Variants in LRP1B observed in about 807,000 individuals in gnomAD.
LRP1B encodes low-density lipoprotein receptor-related protein 1B.
A neutral mutation model predicts 556.6 loss-of-function variants in LRP1B; 217 were observed. The observed-to-expected ratio is 0.39, with a 90% CI of 0.35 to 0.44. The LOEUF is 0.44. Ranked by LOEUF, LRP1B falls within the 20% of genes least tolerant of loss-of-function variation. The probability of loss-of-function intolerance (pLI) is 1.00; values close to 1 mark genes in which losing one functional copy is unlikely to be tolerated. For synonymous variants in LRP1B, 2,047 were observed against 1,865.8 expected (o/e 1.10, Z -2.50); for missense variants, 5,053 against 5,620.8 (o/e 0.90, Z 3.23).
chr2:141,130,439 A>G (rs1053652756), intron 7 of LRP1B, among the ~76,000 whole-genome samples: 1 of 152,078 alleles, frequency 6.6e-6, no homozygotes, highest in South Asian at 2.1e-4. Context: ...TGACATGAGT[A>G]TAGATAATGT....
chr2:141,544,062 G>A (rs1237877211), intron 2 of LRP1B, among the ~76,000 whole-genome samples: 1 of 152,082 alleles, frequency 6.6e-6, no homozygotes, highest in Non-Finnish European at 1.5e-5. Context: ...TTGAACCAGA[G>A]CATTGTTAAT....
chr2:140,371,125 T>A, intron 70 of LRP1B, 54 bp downstream of exon 70: 1 of 1,178,524 alleles, frequency 8.5e-7, no homozygotes, highest in South Asian at 1.5e-5. Flanking sequence ...TACATTTGTT[T>A]GCCCAAACCT....
At chr2:141,241,254 A>G (rs1683866071) in intron 5 of LRP1B, among the ~76,000 whole-genome samples, 1 of 152,084 alleles carries the variant, frequency 6.6e-6, no homozygotes, top group Admixed American at 6.6e-5. Context: ...ATAAAGAAAT[A>G]TTTTAATGGC....
intron 7 of LRP1B, among the ~76,000 whole-genome samples, chr2:141,072,560 G>C (rs140545555): frequency 6.6e-6 from 1 of 152,004 alleles, no homozygotes; most frequent in East Asian, 1.9e-4. Flanking sequence ...ACCACACACA[G>C]AATCTCACTC....
In LRP1B at chr2:141,011,904, G is replaced by A. The variant is rs539077759; in HGVS notation, c.2380+1652C>T. 4.6e-5 allele frequency among the ~76,000 whole-genome samples: 7 copies of A among 151,980 alleles called. No homozygotes were observed. The South Asian group carries it at 1.5e-3, about 32-fold the overall frequency. ...ATTCCATCGAATATTTATTTAAAAT[G>A]CCTATATGTAGGGTAACCTTAAAAA... On this transcript the variant is annotated intron_variant, in intron 14 of 90. Transcript: ENST00000389484.
chr2:141,062,068 C>G lies in LRP1B; in HGVS notation c.1219G>C (p.Val407Leu), dbSNP rs146759035. The G allele has an allele frequency of 6.2e-7, 1 of 1,611,546 alleles. No individual in the cohort carries two copies. Among genetic ancestry groups the G allele is most frequent in the Non-Finnish European group, 8.5e-7 (1 of 1,178,298 alleles). ...GTACTTACTTGTCTGCCTTGAATGA[C>G]AGTGTGTCTATTTTTTCCTTGATAG... is the stretch of plus-strand genomic sequence containing the variant. ...VDYQGKNRHT[V>L]IQGRQVRHLY... Residue 407 changes from valine (V) to leucine (L), a missense_variant, in exon 8 of 91, where the codon GTC becomes CTC. Coordinates refer to ENST00000389484, the MANE Select transcript of LRP1B (RefSeq NM_018557.3).
rs1682671654 is a variant in LRP1B at position 140,601,526 on chromosome 2, C to T, written c.6913G>A (p.Ala2305Thr). 1.2e-6 allele frequency: 2 copies of T among 1,613,264 alleles called. No homozygotes were observed. Among genetic ancestry groups the T allele is most frequent in the Non-Finnish European group, 1.7e-6 (2 of 1,179,520 alleles). Residue 2305 changes from alanine to threonine, a missense_variant, in exon 42 of 91, where the codon GCA becomes ACA. By Grantham distance (58) the Ala-to-Thr change is moderately conservative (BLOSUM62 0). Transcript: ENST00000389484. ...RHTVDQTRPG[A>T]FDREAVITMS... ...GTGATGACAGCTTCCCTGTCAAATG[C>T]TCCAGGCCGAGTCTGGTCCACAGTG...
At chr2:141,214,332 A>G (rs1336190721) in intron 6 of LRP1B, among the ~76,000 whole-genome samples, 1 of 152,208 alleles carries the variant, frequency 6.6e-6, no homozygotes, top group East Asian at 1.9e-4. Flanking sequence ...GGTAGCTGAC[A>G]GTTTCTCAAA....
intron 2 of LRP1B, among the ~76,000 whole-genome samples, chr2:141,647,206 CT>C (rs1057246777): frequency 6.6e-6 from 1 of 152,132 alleles, no homozygotes; most frequent in African/African-American, 2.4e-5. Flanking sequence ...TTCCACATTC[CT>C]TTGCAGCTAG....
At chr2:141,865,777 A>G (rs1698394810) in intron 1 of LRP1B, among the ~76,000 whole-genome samples, 1 of 152,196 alleles carries the variant, frequency 6.6e-6, no homozygotes, top group Non-Finnish European at 1.5e-5. Flanking sequence ...AATTTCTCAG[A>G]TGATGACTGG....
At chr2:140,743,817 G>A (rs928226852) in intron 35 of LRP1B, among the ~76,000 whole-genome samples, 10 of 151,208 alleles carry the variant, frequency 6.6e-5, no homozygotes, top group Non-Finnish European at 1.0e-4. Context: ...AAAATTAGCC[G>A]GGCGTGGTGG....
At chr2:141,562,832 C>A (rs1290304019) in intron 2 of LRP1B, among the ~76,000 whole-genome samples, 2 of 151,880 alleles carry the variant, frequency 1.3e-5, no homozygotes, top group Non-Finnish European at 1.5e-5. Flanking sequence ...GTAATAATTG[C>A]ATATTTTTTG....
chr2:141,525,720 A>G (rs1288772478), intron 2 of LRP1B, among the ~76,000 whole-genome samples: 1 of 152,002 alleles, frequency 6.6e-6, no homozygotes, highest in Non-Finnish European at 1.5e-5. Flanking sequence ...AGGAGAAAAT[A>G]CATACATAAT....
intron 63 of LRP1B, among the ~76,000 whole-genome samples, chr2:140,445,836 G>A (rs548585052): frequency 1.3e-5 from 2 of 152,132 alleles, no homozygotes; most frequent in East Asian, 3.9e-4. Context: ...TATGTTGTTT[G>A]CAATAAAACA....
At chr2:141,319,680 C>A (rs953444681) in intron 3 of LRP1B, among the ~76,000 whole-genome samples, 2 of 151,988 alleles carry the variant, frequency 1.3e-5, no homozygotes, top group Non-Finnish European at 1.5e-5. Context: ...CATGCATATT[C>A]AGGTAGATAA....
At chr2:142,087,496 G>A (rs1705991373) in intron 1 of LRP1B, among the ~76,000 whole-genome samples, 2 of 151,440 alleles carry the variant, frequency 1.3e-5, no homozygotes, top group South Asian at 4.2e-4. Context: ...AACTCAGAGG[G>A]AGTTTTCTCC....
intron 2 of LRP1B, among the ~76,000 whole-genome samples, chr2:141,668,916 T>G (rs535865777): frequency 1.3e-5 from 2 of 152,232 alleles, no homozygotes; most frequent in Admixed American, 1.3e-4. Flanking sequence ...GCTCCCCATC[T>G]CATAAGGGGT....
intron 17 of LRP1B, among the ~76,000 whole-genome samples, chr2:140,984,197 G>A (rs942709302): frequency 6.6e-6 from 1 of 151,796 alleles, no homozygotes; most frequent in Non-Finnish European, 1.5e-5. Flanking sequence ...TGTTTCACTG[G>A]TTACAATAAA....
chr2:140,505,109 T>C (rs1363678452), intron 53 of LRP1B, among the ~76,000 whole-genome samples: 1 of 152,220 alleles, frequency 6.6e-6, no homozygotes, highest in African/African-American at 2.4e-5. Context: ...CATCTCAATT[T>C]ACAGTCTTTG....
Sources: gnomAD v4.1 joint callset for allele counts (sites outside exome capture counted in the v4.1 genomes callset) on GRCh38, gnomAD v4.1.1 for gene constraint, MANE v1.5 for transcripts, NCBI Gene and HGNC (gene_info 2026-07-23, HGNC 2026-07-21) for gene names.